NTM: variants seen among roughly 807,000 people sequenced by gnomAD.
NTM encodes the protein IgLON family member 2.
Under a neutral mutation model 42.1 loss-of-function variants are expected in NTM, and 13 were observed. The observed-to-expected ratio is 0.31, with a 90% CI of 0.20 to 0.49. The LOEUF (loss-of-function observed/expected upper bound fraction) is 0.49, where lower values mean the gene tolerates loss of function less well. Among genes scored for constraint, NTM ranks in the 20% least tolerant of loss-of-function variants. NTM has a pLI of 0.99. For missense variants in NTM, 373 were observed against 452.8 expected (o/e 0.82, Z 1.60); for synonymous variants, 187 against 179.2 (o/e 1.04, Z -0.35).
At chr11:131,585,886 T>A (rs2058815549) in intron 1 of NTM, among the ~76,000 whole-genome samples, 1 of 152,172 alleles carries the variant, frequency 6.6e-6, no homozygotes, top group Non-Finnish European at 1.5e-5. Context: ...TCCTTTCTTC[T>A]CCCTGCCCAC....
chr11:132,146,137 A>T lies in NTM; in HGVS notation c.168-145A>T. ...TAAGACCTTTGCTGTGTTCCAGAAA[A>T]GTCCACCCCTGACAAATCAAAGGAA... On this transcript the variant is annotated intron_variant, in intron 2 of 8. Transcript: ENST00000683400. The surrounding 1 kb of genome is among the most constrained non-coding windows in gnomAD (Gnocchi z 4.5). 1 of 1,282,638 alleles carries T rather than the reference A, an allele frequency of 7.8e-7. No homozygotes were observed. Among genetic ancestry groups the T allele is most frequent in the Non-Finnish European group, 1.1e-6 (1 of 944,440 alleles). 79.5% of individuals were successfully genotyped at this position (1,282,638 alleles called of 1,614,324 possible). A position where few individuals can be genotyped will look rare whatever the true frequency, so the allele number is the denominator to read the frequency against.
chr11:131,736,750 C>A (rs928379513), intron 1 of NTM, among the ~76,000 whole-genome samples: 2 of 152,158 alleles, frequency 1.3e-5, no homozygotes, highest in Non-Finnish European at 2.9e-5. Flanking sequence ...ATTTCCGCAG[C>A]TTCTCTTAGG....
intron 2 of NTM, among the ~76,000 whole-genome samples, chr11:131,943,320 A>G (rs918719842): frequency 6.6e-6 from 1 of 152,076 alleles, no homozygotes; most frequent in Admixed American, 6.5e-5. Flanking sequence ...CAAGTCATCA[A>G]CTCTGGGCTG....
At chr11:132,118,795 A>C (rs1312516698) in intron 2 of NTM, among the ~76,000 whole-genome samples, 2 of 152,194 alleles carry the variant, frequency 1.3e-5, no homozygotes, top group Non-Finnish European at 2.9e-5. Flanking sequence ...GGTTTCAATG[A>C]AAATTAACAT....
chr11:131,424,600 C>CTTTCTTTTTTTTTT (rs1947878678), intron 1 of NTM, among the ~76,000 whole-genome samples: 8 of 56,052 alleles, frequency 1.4e-4, no homozygotes, highest in African/African-American at 5.8e-4. Flanking sequence ...CTTTTCTTTT[C>CTTTCTTTTTTTTTT]TTTTTTTTTT....
At position 131,632,924 on chromosome 11, in the gene NTM, C is replaced by G. The variant is rs943039657; in HGVS notation, c.82+262036C>G. Among the ~76,000 whole-genome samples, 32 of 147,248 alleles carry G rather than the reference C, an allele frequency of 2.2e-4. 1 individual carries two copies. Among genetic ancestry groups the G allele is most frequent in the African/African-American group, 8.7e-4 (32 of 36,932 alleles). ...TCCTGACCTCGTGATCCGCCCATCTCAGCCTCCCAAAGTGCTAGGATTACA... is the reference window on the plus strand; with the variant it reads ...TCCTGACCTCGTGATCCGCCCATCTGAGCCTCCCAAAGTGCTAGGATTACA... On this transcript the variant is annotated intron_variant, in intron 1 of 8. Transcript: ENST00000683400.
At chr11:131,823,356 G>A (rs1212948448) in intron 1 of NTM, among the ~76,000 whole-genome samples, 2 of 152,152 alleles carry the variant, frequency 1.3e-5, no homozygotes, top group East Asian at 1.9e-4. Flanking sequence ...TCCACGTGAT[G>A]ACTAAGTGGC....
intron 2 of NTM, among the ~76,000 whole-genome samples, chr11:132,079,823 A>G (rs2136266429): frequency 6.6e-6 from 1 of 152,282 alleles, no homozygotes; most frequent in South Asian, 2.1e-4. Context: ...TAATCCATTA[A>G]CTTTTGGGAA....
rs56176204 is a variant in NTM, at chr11:132,237,343, C to G, written c.526+25196C>G. ...CTTTCCAGTGCCCTCAGTTTGCGAT[C>G]TGACCTCAGGGTTTTTCTTTGGGAT... is the stretch of plus-strand genomic sequence containing the variant. On this transcript the variant is annotated intron_variant, in intron 4 of 8. Coordinates refer to ENST00000683400, the MANE Select transcript of NTM (RefSeq NM_001352005.2). Among the ~76,000 whole-genome samples the G allele has an allele frequency of 7.3e-3, 1,118 of 152,290 alleles. 10 individuals carry two copies. The highest frequency in any genetic ancestry group is 0.013 in the Non-Finnish European group (895 of 68,026).
At chr11:132,297,153 A>G (rs2094643147) in intron 4 of NTM, among the ~76,000 whole-genome samples, 1 of 152,168 alleles carries the variant, frequency 6.6e-6, no homozygotes, top group African/African-American at 2.4e-5. Context: ...TTGAAAATAC[A>G]CAGATGGCAC....
At chr11:132,008,169 C>T (rs776074840) in intron 2 of NTM, among the ~76,000 whole-genome samples, 73 of 152,270 alleles carry the variant, frequency 4.8e-4, no homozygotes, top group African/African-American at 1.7e-3. Context: ...GGGATCATGA[C>T]GTGGTGGACT....
At chr11:131,373,147 G>A (rs985830158) in intron 1 of NTM, among the ~76,000 whole-genome samples, 11 of 152,192 alleles carry the variant, frequency 7.2e-5, no homozygotes, top group African/African-American at 2.7e-4. Context: ...TGTGGCAAAG[G>A]TGATGTCTGT....
intron 1 of NTM, chr11:131,770,955 G>A (rs942061205): frequency 6.6e-6 from 1 of 152,140 alleles, no homozygotes; most frequent in Non-Finnish European, 1.5e-5. Flanking sequence ...CCAAACAGTG[G>A]TTTTTTGCAG....
chr11:131,896,950 A>T (rs2052385014), intron 1 of NTM: 1 of 152,238 alleles, frequency 6.6e-6, no homozygotes, highest in African/African-American at 2.4e-5. Flanking sequence ...GGTCTCCCAA[A>T]GTGCTGGGAT....
intron 3 of NTM, among the ~76,000 whole-genome samples, chr11:132,161,338 G>A (rs2074218157): frequency 7.0e-6 from 1 of 143,282 alleles, no homozygotes; most frequent in South Asian, 2.3e-4. Flanking sequence ...CCTAGCTCTT[G>A]GAGGCTGTTT....
At chr11:132,000,553 A>G (rs2069004578) in intron 2 of NTM, among the ~76,000 whole-genome samples, 1 of 152,162 alleles carries the variant, frequency 6.6e-6, no homozygotes, top group South Asian at 2.1e-4. Flanking sequence ...TTTTCATATT[A>G]TGTGCCCCTC....
intron 1 of NTM, among the ~76,000 whole-genome samples, chr11:131,631,203 C>CATT (rs2063622750): frequency 6.6e-6 from 1 of 152,216 alleles, no homozygotes; most frequent in Non-Finnish European, 1.5e-5. Context: ...ACAATACCTA[C>CATT]TGTGAGGTGT....
chr11:131,741,067 AG>A (rs1183607203), intron 1 of NTM, among the ~76,000 whole-genome samples: 7 of 151,874 alleles, frequency 4.6e-5, no homozygotes, highest in Non-Finnish European at 5.9e-5. Context: ...TGGGAGGCTG[AG>A]GCAGGAGAAT....
chr11:131,414,470 A>T (rs946971720), intron 1 of NTM, among the ~76,000 whole-genome samples: 1 of 152,192 alleles, frequency 6.6e-6, no homozygotes, highest in Non-Finnish European at 1.5e-5. Flanking sequence ...TGCTGTGTGC[A>T]GATCAGGGCA....
Sources: gnomAD v4.1 joint callset for allele counts (sites outside exome capture counted in the v4.1 genomes callset) on GRCh38, gnomAD v4.1.1 for gene constraint, Gnocchi (gnomAD v3.1) non-coding constraint, MANE v1.5 for transcripts, NCBI Gene and HGNC (gene_info 2026-07-23, HGNC 2026-07-21) for gene names.